ULK4: variants seen among roughly 807,000 people sequenced by gnomAD.
ULK4 encodes the protein inactive serine/threonine-protein kinase ULK4.
Under a neutral mutation model 160.6 loss-of-function variants are expected in ULK4, and 133 were observed. The observed-to-expected ratio is 0.83, with a 90% CI of 0.72 to 0.96. The LOEUF is 0.96. Ranked by LOEUF, ULK4 falls within the 40% of genes least tolerant of loss-of-function variation. The probability of loss-of-function intolerance (pLI) is 0.00; values close to 1 mark genes in which losing one functional copy is unlikely to be tolerated. For missense variants in ULK4, 1,580 were observed against 1,499.5 expected (o/e 1.05, Z -0.89); for synonymous variants, 534 against 539.8 (o/e 0.99, Z 0.15).
intron 19 of ULK4, among the ~76,000 whole-genome samples, chr3:41,816,288 TTAATC>T (rs1286657063): frequency 6.6e-6 from 1 of 152,178 alleles, no homozygotes; most frequent in African/African-American, 2.4e-5. Flanking sequence ...TGTTTACTGT[TTAATC>T]TAGGTGATGG....
At chr3:41,679,054 A>AT (rs200219784) in intron 29 of ULK4, among the ~76,000 whole-genome samples, 7 of 151,838 alleles carry the variant, frequency 4.6e-5, no homozygotes, top group African/African-American at 9.7e-5. Context: ...TTCATTTAAA[A>AT]TTTTTTTTTA....
chr3:41,345,666 T>C (rs2080783563), intron 35 of ULK4, among the ~76,000 whole-genome samples: 1 of 152,124 alleles, frequency 6.6e-6, no homozygotes, highest in African/African-American at 2.4e-5. Flanking sequence ...GAAGAATAGC[T>C]AATAGATGCT....
In ULK4 at chr3:41,868,725, G is replaced by A. The variant is rs144855056; in HGVS notation, c.1656+15149C>T. Reference sequence around the variant, plus strand: ...TTGGTCAGAGTGATCTTGAACTTCCGACCTCAAGTGATCCACTCGCCTTGG... The same window carrying A: ...TTGGTCAGAGTGATCTTGAACTTCCAACCTCAAGTGATCCACTCGCCTTGG... On this transcript the variant is annotated intron_variant, in intron 17 of 36. Transcript: ENST00000301831. Among the ~76,000 whole-genome samples the A allele has an allele frequency of 3.8e-4, 57 of 151,914 alleles. No homozygotes were observed. In the East Asian group the frequency reaches 7.9e-3, roughly 21 times the overall value.
rs535983586 is a variant in ULK4, at chr3:41,540,924, A to G, written c.3226+25101T>C. 2.0e-5 allele frequency among the ~76,000 whole-genome samples: 3 copies of G among 152,066 alleles called. No individual in the cohort carries two copies. In the South Asian group the frequency reaches 6.2e-4, roughly 32 times the overall value. The stretch of plus-strand genomic sequence containing the variant: ...TTGCTAAGTTCTTTGTAGATTCTGG[A>G]TATTATCCCTTTGTCAGACAGATAG... On this transcript the variant is annotated intron_variant, in intron 32 of 36. Transcript: ENST00000301831.
intron 32 of ULK4, among the ~76,000 whole-genome samples, chr3:41,514,072 A>T (rs2017454): frequency 2.0e-5 from 3 of 152,062 alleles, no homozygotes; most frequent in African/African-American, 7.3e-5. Context: ...TTTTAACTGT[A>T]AATTTATCCT....
At chr3:41,803,059 G>A (rs1436976064) in intron 19 of ULK4, among the ~76,000 whole-genome samples, 1 of 152,008 alleles carries the variant, frequency 6.6e-6, no homozygotes, top group Non-Finnish European at 1.5e-5. Context: ...TAGCTACTCA[G>A]GAGACTGAGG....
chr3:41,645,533 T>A (rs986507993), intron 30 of ULK4, among the ~76,000 whole-genome samples: 5 of 152,244 alleles, frequency 3.3e-5, no homozygotes, highest in Non-Finnish European at 7.3e-5. Flanking sequence ...CAGTTCTAGT[T>A]TGATTGCACT....
chr3:41,756,327 T>C (rs985035397), intron 21 of ULK4, among the ~76,000 whole-genome samples: 5 of 152,188 alleles, frequency 3.3e-5, no homozygotes, highest in Admixed American at 1.3e-4. Flanking sequence ...TCTACAAATT[T>C]TAGCCACAGT....
At chr3:41,305,380 G>A (rs893009100) in intron 35 of ULK4, among the ~76,000 whole-genome samples, 198 of 152,338 alleles carry the variant, frequency 1.3e-3, no homozygotes, top group African/African-American at 4.3e-3. Context: ...GCAGGCTCGA[G>A]CCGCCACGCC....
At chr3:41,946,638 C>T (rs1013752476) in intron 2 of ULK4, among the ~76,000 whole-genome samples, 2 of 152,168 alleles carry the variant, frequency 1.3e-5, no homozygotes, top group South Asian at 2.1e-4. Flanking sequence ...AGTTTACCAA[C>T]GTAGTGAAAT....
At chr3:41,624,451 A>G (rs2033395955) in intron 30 of ULK4, among the ~76,000 whole-genome samples, 2 of 152,002 alleles carry the variant, frequency 1.3e-5, no homozygotes. Flanking sequence ...AACCACACAA[A>G]ACTATCTTAA....
At position 41,303,864 on chromosome 3, in the gene ULK4, G is replaced by A. The variant is rs372469060; in HGVS notation, c.3679-54290C>T. 9.2e-5 allele frequency among the ~76,000 whole-genome samples: 14 copies of A among 152,226 alleles called. No individual in the cohort carries two copies. In the East Asian group the frequency reaches 2.1e-3, roughly 23 times the overall value. ...TATGGGCACAAGAGGTCGGGGCAGG[G>A]TGGGGGGCAACCAAAAGGTGTTCAG... On this transcript the variant is annotated intron_variant, in intron 35 of 36. Coordinates refer to ENST00000301831, the MANE Select transcript of ULK4 (RefSeq NM_017886.4).
chr3:41,828,329 C>T (rs941013078), intron 18 of ULK4, among the ~76,000 whole-genome samples: 5 of 149,532 alleles, frequency 3.3e-5, no homozygotes, highest in Admixed American at 1.3e-4. Context: ...AAATAAAGGG[C>T]ATTCAATTAG....
intron 30 of ULK4, among the ~76,000 whole-genome samples, chr3:41,663,058 T>TA (rs2125761921): frequency 6.6e-6 from 1 of 151,812 alleles, no homozygotes; most frequent in East Asian, 1.9e-4. Flanking sequence ...CCATCTCTAC[T>TA]AAAAATACAA....
intron 32 of ULK4, among the ~76,000 whole-genome samples, chr3:41,519,519 C>T (rs1355127902): frequency 6.6e-6 from 1 of 152,204 alleles, no homozygotes; most frequent in African/African-American, 2.4e-5. Context: ...TGATGTTCCT[C>T]AGTTGGGACA....
chr3:41,543,102 G>C (rs1394405595), intron 32 of ULK4, among the ~76,000 whole-genome samples: 1 of 152,062 alleles, frequency 6.6e-6, no homozygotes, highest in Admixed American at 6.6e-5. Context: ...CTAGAACAAA[G>C]AGAACTTGCC....
At chr3:41,605,944 T>C (rs1257281595) in intron 31 of ULK4, among the ~76,000 whole-genome samples, 1 of 152,008 alleles carries the variant, frequency 6.6e-6, no homozygotes, top group Non-Finnish European at 1.5e-5. Flanking sequence ...ATAAAAAATA[T>C]ATCTGACAGT....
chr3:41,406,249 G>A (rs1209873345), intron 34 of ULK4, among the ~76,000 whole-genome samples: 1 of 152,090 alleles, frequency 6.6e-6, no homozygotes, highest in African/African-American at 2.4e-5. Context: ...GCTTACTTTT[G>A]TTGACTTTGT....
chr3:41,612,005 G>GAA (rs5848606), intron 31 of ULK4, among the ~76,000 whole-genome samples: 3 of 147,246 alleles, frequency 2.0e-5, no homozygotes, highest in African/African-American at 7.4e-5. Flanking sequence ...AAAATATTCA[G>GAA]AAAAAAAAAT....
Sources: gnomAD v4.1 joint callset for allele counts (sites outside exome capture counted in the v4.1 genomes callset) on GRCh38, gnomAD v4.1.1 for gene constraint, MANE v1.5 for transcripts, NCBI Gene and HGNC (gene_info 2026-07-23, HGNC 2026-07-21) for gene names.